Variants in NLRP9 observed in about 807,000 individuals in gnomAD.
The protein encoded by NLRP9 is NACHT, LRR and PYD domains-containing protein 9.
Under a neutral mutation model 83.1 loss-of-function variants are expected in NLRP9, and 88 were observed. That is an observed-to-expected ratio of 1.06 (90% CI 0.89 to 1.26). NLRP9 has a LOEUF of 1.26. Among genes scored for constraint, NLRP9 ranks in the 50% most tolerant of loss-of-function variants. The pLI, the probability that NLRP9 is intolerant of heterozygous loss-of-function variation, is 0.00. For synonymous variants in NLRP9, 521 were observed against 447.6 expected, an observed-to-expected ratio of 1.16 and a Z score of -2.07; for missense variants, 1,308 against 1,179.3, an observed-to-expected ratio of 1.11 and a Z score of -1.60.
At chr19:55,717,831 T>C (rs1343527908) in intron 4 of NLRP9, among the ~76,000 whole-genome samples, 2 of 152,104 alleles carry the variant, frequency 1.3e-5, no homozygotes, top group African/African-American at 2.4e-5. Context: ...AAGAATGTGG[T>C]TCAGAGAGCG....
intron 3 of NLRP9, among the ~76,000 whole-genome samples, chr19:55,724,411 G>A (rs555088626): frequency 2.0e-4 from 31 of 152,136 alleles, no homozygotes; most frequent in African/African-American, 4.8e-4. Context: ...CGAGTCAGCC[G>A]AATCCCATGT....
chr19:55,715,393 G>A (rs1186942234), intron 5 of NLRP9, among the ~76,000 whole-genome samples, 168 bp from the exon 6 acceptor site: 2 of 152,080 alleles, frequency 1.3e-5, no homozygotes, highest in Non-Finnish European at 2.9e-5. Context: ...TGTCACTCAA[G>A]AAAATAAGGA....
At chr19:55,720,454 T>G (rs1988189752) in intron 4 of NLRP9, among the ~76,000 whole-genome samples, 2 of 152,088 alleles carry the variant, frequency 1.3e-5, no homozygotes. Flanking sequence ...GCCTGATGAG[T>G]AAGCCGTGAC....
intron 6 of NLRP9, among the ~76,000 whole-genome samples, chr19:55,713,276 T>G (rs1444783894): frequency 1.3e-5 from 2 of 151,680 alleles, no homozygotes; most frequent in Non-Finnish European, 2.9e-5. Context: ...CTTACAGTAC[T>G]TATTACTCCC....
At chr19:55,712,092 C>T (rs1351921487) in intron 7 of NLRP9, 122 bp from the exon 8 acceptor site, 1 of 990,036 alleles carries the variant, frequency 1.0e-6, no homozygotes, top group Non-Finnish European at 1.5e-6. Flanking sequence ...ACCCGGGCTT[C>T]TCAGCCAGGA....
In NLRP9 at chr19:55,737,960, T is replaced by C. The variant is rs543402268; in HGVS notation, c.280+135A>G. 9.3e-6 allele frequency: 8 copies of C among 858,700 alleles called. No individual in the cohort carries two copies. In the African/African-American group the frequency reaches 1.2e-4, roughly 13 times the overall value. 53.2% of individuals were successfully genotyped at this position (858,700 alleles called of 1,614,324 possible). ...CATATGAACAGCCCTGGCCTGCAAC[T>C]CTTCCTACCTTCAACTCTCACCTTG... On this transcript the variant is annotated intron_variant, in intron 1 of 8. Transcript: ENST00000332836.
intron 2 of NLRP9, among the ~76,000 whole-genome samples, chr19:55,731,750 A>G (rs930054851): frequency 3.3e-5 from 5 of 150,194 alleles, no homozygotes; most frequent in African/African-American, 1.2e-4. Context: ...AAGTCCTGCT[A>G]GCCGCCTCTT....
At chr19:55,734,637 ATT>A (rs201490500) in intron 1 of NLRP9, among the ~76,000 whole-genome samples, 41,175 of 106,336 alleles carry the variant, frequency 0.39, 5,970 homozygotes, top group South Asian at 0.54. Flanking sequence ...ATATATATAT[ATT>A]TTTTTTTTTT....
rs755461278 is a variant in NLRP9 at position 55,732,982 on chromosome 19, G to C, written c.849C>G (p.His283Gln). 2.5e-6 allele frequency: 4 copies of C among 1,613,974 alleles called. No individual in the cohort carries two copies. In the African/African-American group the frequency reaches 4.0e-5, roughly 16 times the overall value. ...GTTTTGGATGCCGCAACATAAAATAGTGTTTTTGCATAGCCAGTTTTCCTA... is the reference window on the plus strand; with the variant it reads ...GTTTTGGATGCCGCAACATAAAATACTGTTTTTGCATAGCCAGTTTTCCTA... ...IALGKLAMQK[H>Q]YFMLRHPKLI... Residue 283 changes from histidine to glutamine, a missense_variant, in exon 2 of 9, where the codon CAC becomes CAG. Coordinates refer to ENST00000332836, the MANE Select transcript of NLRP9 (RefSeq NM_176820.4).
At position 55,733,507 on chromosome 19, in the gene NLRP9, T is replaced by C. The variant is rs1238254901; in HGVS notation, c.324A>G (p.Gln108=). 1 of 1,608,362 alleles carries C rather than the reference T, an allele frequency of 6.2e-7. No individual in the cohort carries two copies. The highest frequency in any genetic ancestry group is 8.5e-7 in the Non-Finnish European group (1 of 1,177,458). ...PYRKHMKETF[Q]LIWEKETCLH... ...GACAGGTTTCCTTCTCCCATATGAG[T>C]TGAAATGTTTCCTTCATATGCTTTC... Residue 108 remains glutamine, a synonymous_variant, in exon 2 of 9, where the codon CAA becomes CAG. Transcript: ENST00000332836.
chr19:55,711,617 T>C (rs1987729506), intron 8 of NLRP9, 183 bp downstream of exon 8: 1 of 873,066 alleles, frequency 1.1e-6, no homozygotes, highest in South Asian at 1.5e-5. Context: ...GCCGAGAATG[T>C]TGCTTGACAT....
intron 1 of NLRP9, among the ~76,000 whole-genome samples, chr19:55,734,534 T>C (rs200510506): frequency 7.8e-5 from 11 of 140,384 alleles, no homozygotes; most frequent in South Asian, 2.2e-4. Context: ...CACATATATA[T>C]ATATATATAC....
At chr19:55,730,727 G>A (rs1180491113) in intron 2 of NLRP9, among the ~76,000 whole-genome samples, 1 of 152,114 alleles carries the variant, frequency 6.6e-6, no homozygotes, top group East Asian at 1.9e-4. Flanking sequence ...TGGACACAGG[G>A]AGGGGAACCA....
chr19:55,714,557 A>T (rs1458081091), intron 6 of NLRP9, among the ~76,000 whole-genome samples: 1 of 151,696 alleles, frequency 6.6e-6, no homozygotes, highest in Non-Finnish European at 1.5e-5. Flanking sequence ...TCCCAGAACC[A>T]GGTGGGGTAA....
In NLRP9 at chr19:55,715,038, A is replaced by G. The variant is rs755839952; in HGVS notation, c.2501+17T>C. On this transcript the variant is annotated intron_variant, in intron 6 of 8. Coordinates refer to ENST00000332836, the MANE Select transcript of NLRP9 (RefSeq NM_176820.4). ...AAAAGAAACCCTGACATTGAAGCAA[A>G]TCATGGCCGGTCCTACCACAGCTCC... 2.5e-6 allele frequency: 4 copies of G among 1,590,452 alleles called. No homozygotes were observed. The highest frequency in any genetic ancestry group is 2.3e-5 in the South Asian group (2 of 87,606).
At chr19:55,717,201 T>A (rs1988057321) in intron 4 of NLRP9, among the ~76,000 whole-genome samples, 1 of 152,064 alleles carries the variant, frequency 6.6e-6, no homozygotes, top group South Asian at 2.1e-4. Context: ...GCCCAGTTCA[T>A]TTGTATTTTT....
At position 55,732,047 on chromosome 19, in the gene NLRP9, C is replaced by A; in HGVS notation, c.1784G>T (p.Arg595Leu). 6.3e-7 allele frequency: 1 copy of A among 1,599,144 alleles called. No homozygotes were observed. The highest frequency in any genetic ancestry group is 8.5e-7 in the Non-Finnish European group (1 of 1,174,444). ...LKHCQHLTTL[R>L]MCVENIFPDD... Reference sequence around the variant, plus strand: ...TGGAAAGATATTCTCCACACACATGCGAAGTGTCGTTAAATGTTGACAATG... The same window carrying A: ...TGGAAAGATATTCTCCACACACATGAGAAGTGTCGTTAAATGTTGACAATG... The change falls in exon 2 of 9, where the codon CGC becomes CTC. Residue 595 changes from arginine to leucine, a missense_variant. Physicochemically the swap from Arg to Leu is moderately radical, Grantham distance 102 (BLOSUM62 -2). Transcript: ENST00000332836.
In NLRP9 at chr19:55,734,620, C is replaced by T. The variant is rs146919142; in HGVS notation, c.281-1070G>A. On this transcript the variant is annotated intron_variant, in intron 1 of 8. Transcript: ENST00000332836. Reference sequence around the variant, plus strand: ...ACATACACATACACACACACACACACATATATATATATATATATTTTTTTT... The same window carrying T: ...ACATACACATACACACACACACACATATATATATATATATATATTTTTTTT... 4.7e-3 allele frequency among the ~76,000 whole-genome samples: 408 copies of T among 87,588 alleles called. 2 individuals are homozygous for T. Among genetic ancestry groups the T allele is most frequent in the African/African-American group, 0.019 (367 of 19,336 alleles). The allele number at this position is 87,588 out of a possible 152,430, so 57.5% of individuals were successfully genotyped here.
chr19:55,709,877 A>G (rs951991840), intron 8 of NLRP9: 1 of 152,246 alleles, frequency 6.6e-6, no homozygotes, highest in African/African-American at 2.4e-5. Flanking sequence ...AGACTGGAAC[A>G]TAGGCCTTCC....
Sources: allele counts gnomAD v4.1 joint callset (sites outside exome capture counted in the v4.1 genomes callset), GRCh38; gene constraint gnomAD v4.1.1; transcripts MANE v1.5; gene names NCBI Gene and HGNC (gene_info 2026-07-23, HGNC 2026-07-21).